Variants in PCDHA2 observed in about 807,000 individuals in gnomAD.
PCDHA2 encodes protocadherin alpha 2.
Under a neutral mutation model 66.0 loss-of-function variants are expected in PCDHA2, and 58 were observed. The observed-to-expected ratio is 0.88, with a 90% confidence interval of 0.71 to 1.09. The LOEUF (loss-of-function observed/expected upper bound fraction) is 1.09. Among genes scored for constraint, PCDHA2 ranks in the 50% least tolerant of loss-of-function variants. PCDHA2 has a pLI of 0.00. For missense variants in PCDHA2, 1,267 were observed against 1,242.3 expected, an observed-to-expected ratio of 1.02 and a Z score of -0.30; for synonymous variants, 634 against 554.0, an observed-to-expected ratio of 1.14 and a Z score of -2.03.
chr5:140,911,036 G>A (rs2075296113), intron 1 of PCDHA2, among the ~76,000 whole-genome samples: 1 of 152,104 alleles, frequency 6.6e-6, no homozygotes, highest in African/African-American at 2.4e-5. Flanking sequence ...AGGTCTAGAA[G>A]CAAACAGGGG....
intron 1 of PCDHA2, chr5:140,809,732 G>A (rs1434113979): frequency 1.3e-6 from 1 of 752,210 alleles, no homozygotes; most frequent in Non-Finnish European, 2.1e-6. Flanking sequence ...GGACATCAGA[G>A]CAATATATAT....
In PCDHA2 at chr5:140,853,855, T is replaced by C. The variant is rs1179807632; in HGVS notation, c.2388+56503T>C. On this transcript the variant is annotated intron_variant, in intron 1 of 3. Transcript: ENST00000526136. The stretch of plus-strand genomic sequence containing the variant: ...GAAATTTTAGATCCATAGCCCTATT[T>C]GATACTTGACAGTGCAAGTTTCTGT... 3.0e-6 allele frequency: 3 copies of C among 985,756 alleles called. No homozygotes were observed. In the African/African-American group the frequency reaches 5.3e-5, roughly 17 times the overall value. 61.1% of individuals were successfully genotyped at this position (985,756 alleles called of 1,614,324 possible). A position where few individuals can be genotyped will look rare whatever the true frequency, so the allele number is the denominator to read the frequency against.
In PCDHA2 at chr5:140,835,249, T is replaced by TA. The variant is rs2150232715; in HGVS notation, c.2388+37901dup. ...TTCTCCAGTGATGTTTCTCCAGATA[T>TA]AAAATCCAAGTTCCACATGGACCCC... On this transcript the variant is annotated intron_variant, in intron 1 of 3. Transcript: ENST00000526136. 20 of 1,605,414 alleles carry TA rather than the reference T, an allele frequency of 1.2e-5. No homozygotes were observed. The South Asian group carries it at 1.7e-4, about 13-fold the overall frequency.
At chr5:140,948,861 A>G (rs1298940496) in intron 1 of PCDHA2, among the ~76,000 whole-genome samples, 1 of 151,528 alleles carries the variant, frequency 6.6e-6, no homozygotes, top group African/African-American at 2.4e-5. Flanking sequence ...TTCTTATATT[A>G]CTTCGGGTTT....
chr5:140,823,315 G>T (rs2150124604), intron 1 of PCDHA2: 2 of 1,612,268 alleles, frequency 1.2e-6, no homozygotes, highest in South Asian at 1.1e-5. Context: ...CGCGGAGAGC[G>T]GCAAGGTGTA....
chr5:140,829,934 G>T (rs1176512976), intron 1 of PCDHA2: 3 of 1,613,878 alleles, frequency 1.9e-6, no homozygotes, highest in Non-Finnish European at 1.7e-6. Flanking sequence ...GCAGCCCCCG[G>T]CAAGCAGCGC....
At chr5:140,936,007 C>G (rs1338541274) in intron 1 of PCDHA2, among the ~76,000 whole-genome samples, 3 of 151,820 alleles carry the variant, frequency 2.0e-5, no homozygotes, top group African/African-American at 7.3e-5. Flanking sequence ...ATTCTCCCAC[C>G]TCAGCCTCCC....
intron 1 of PCDHA2, among the ~76,000 whole-genome samples, chr5:140,898,901 T>C (rs1196685970): frequency 7.9e-5 from 12 of 152,172 alleles, no homozygotes; most frequent in Admixed American, 7.9e-4. Context: ...GAAGAGGTCC[T>C]TCACGTCCCT....
At chr5:140,984,973 T>C (rs1397062066) in intron 3 of PCDHA2, among the ~76,000 whole-genome samples, 1 of 152,150 alleles carries the variant, frequency 6.6e-6, no homozygotes, top group Non-Finnish European at 1.5e-5. Context: ...AGTCTCGCTC[T>C]GTCCCCCAGG....
intron 1 of PCDHA2, chr5:140,875,760 C>A (rs781811926): frequency 1.2e-6 from 2 of 1,614,200 alleles, no homozygotes; most frequent in Non-Finnish European, 1.7e-6. Flanking sequence ...AGAAGCTGTG[C>A]GGGCGGAGCG....
chr5:141,006,535 G>A (rs1473022946), intron 3 of PCDHA2, among the ~76,000 whole-genome samples: 1 of 152,118 alleles, frequency 6.6e-6, no homozygotes, highest in Non-Finnish European at 1.5e-5. Context: ...TTTTTAAAGA[G>A]AGACATTAAG....
At chr5:140,933,833 A>C (rs944428844) in intron 1 of PCDHA2, among the ~76,000 whole-genome samples, 1 of 151,928 alleles carries the variant, frequency 6.6e-6, no homozygotes, top group Non-Finnish European at 1.5e-5. Flanking sequence ...TATTGCTCCT[A>C]TTTCATTCCT....
At chr5:140,978,839 CT>C in intron 1 of PCDHA2, 109 bp from the exon 2 acceptor site, 3 of 1,556,998 alleles carry the variant, frequency 1.9e-6, no homozygotes, top group Non-Finnish European at 2.6e-6. Context: ...TCATTCAATA[CT>C]TTTTTAGATG....
At position 140,882,346 on chromosome 5, in the gene PCDHA2, G is replaced by C. The variant is rs146510190; in HGVS notation, c.2388+84994G>C. 1,878 of 1,614,194 alleles carry C rather than the reference G, an allele frequency of 1.2e-3. 37 individuals are homozygous for C. In the South Asian group the frequency reaches 0.019, roughly 17 times the overall value. On this transcript the variant is annotated intron_variant, in intron 1 of 3. Transcript: ENST00000526136. ...TTCTGATCCTCGCAGCCTGGGAGAC[G>C]GGTAGTGGCCAGCTCCACTACTCCG...
intron 1 of PCDHA2, among the ~76,000 whole-genome samples, chr5:140,891,720 T>C (rs1159192046): frequency 2.0e-5 from 3 of 152,170 alleles, no homozygotes; most frequent in African/African-American, 4.8e-5. Context: ...CCCAAATTCA[T>C]GTGTTGAAAA....
intron 1 of PCDHA2, among the ~76,000 whole-genome samples, chr5:140,921,714 C>T (rs942328848): frequency 2.0e-5 from 3 of 152,046 alleles, no homozygotes; most frequent in South Asian, 2.1e-4. Context: ...AGTAAACACA[C>T]GAATTACTCC....
chr5:140,896,735 T>C (rs930657295), intron 1 of PCDHA2, among the ~76,000 whole-genome samples: 8 of 152,166 alleles, frequency 5.3e-5, no homozygotes, highest in Non-Finnish European at 4.4e-5. Context: ...TTTAAGTTCC[T>C]TATAGATTCT....
intron 1 of PCDHA2, chr5:140,805,418 TTTG>T (rs1360304956): frequency 1.9e-6 from 2 of 1,064,468 alleles, no homozygotes; most frequent in African/African-American, 3.4e-5. Context: ...TGGTGGGTTT[TTTG>T]TTGTTGTTTT....
chr5:140,828,649 T>C, intron 1 of PCDHA2: 2 of 1,614,100 alleles, frequency 1.2e-6, no homozygotes, highest in Non-Finnish European at 1.7e-6. Context: ...AAATAAACAG[T>C]GATGACAATA....
Sources: gnomAD v4.1 joint callset for allele counts (sites outside exome capture counted in the v4.1 genomes callset) on GRCh38, gnomAD v4.1.1 for gene constraint, MANE v1.5 for transcripts, NCBI Gene and HGNC (gene_info 2026-07-23, HGNC 2026-07-21) for gene names.